The following ERMP1 variants were observed in gnomAD, a reference collection of about 807,000 sequenced individuals.
ERMP1 encodes the protein endoplasmic reticulum metallopeptidase 1.
Under a neutral mutation model 92.0 loss-of-function variants are expected in ERMP1, and 86 were observed. The ratio of observed to expected loss-of-function variants is 0.93; its 90% CI spans 0.79 to 1.12. The LOEUF (loss-of-function observed/expected upper bound fraction) is 1.12. Among genes scored for constraint, ERMP1 ranks in the 50% most tolerant of loss-of-function variants. ERMP1 has a pLI of 0.00. For synonymous variants in ERMP1, 530 were observed against 412.8 expected, an observed-to-expected ratio of 1.28 and a Z score of -3.44; for missense variants, 1,342 against 1,116.3, an observed-to-expected ratio of 1.20 and a Z score of -2.88.
Position 5,864,320 on chromosome 9 carries a change from G to A in ERMP1, n.3055+3482C>T, listed in dbSNP as rs571735513. On this transcript the variant is annotated intron_variant and non_coding_transcript_variant, in intron 5 of 6. Transcript: ENST00000690753. Reference sequence around the variant, plus strand: ...CCACTGTTTACTCAGTAAGGGAAAGGGCCAACCTGGAGAAACATCATTAAG... The same window carrying A: ...CCACTGTTTACTCAGTAAGGGAAAGAGCCAACCTGGAGAAACATCATTAAG... Among the ~76,000 whole-genome samples, 153 of 152,066 alleles carry A rather than the reference G, an allele frequency of 1.0e-3. 2 individuals are homozygous for A. Among genetic ancestry groups the A allele is most frequent in the Admixed American group, 3.2e-3 (49 of 15,264 alleles).
At chr9:5,841,884 T>A (rs1830167762) in intron 6 of ERMP1, among the ~76,000 whole-genome samples, 3 of 151,756 alleles carry the variant, frequency 2.0e-5, no homozygotes. Flanking sequence ...TTGTGGTGGG[T>A]TTGTGGTCTC....
intron 6 of ERMP1, among the ~76,000 whole-genome samples, chr9:5,847,758 G>GACA (rs1830256564): frequency 6.6e-6 from 1 of 151,400 alleles, no homozygotes; most frequent in South Asian, 2.1e-4. Context: ...AGCCGGGCGT[G>GACA]GTGGCAGGCG....
At chr9:5,819,788 A>G (rs932786735) in intron 4 of ERMP1, among the ~76,000 whole-genome samples, 12 of 152,208 alleles carry the variant, frequency 7.9e-5, no homozygotes, top group African/African-American at 2.2e-4. Flanking sequence ...CACGTGTTGT[A>G]TGATTACATT....
chr9:5,806,271 T>C (rs1040440363), intron 8 of ERMP1, among the ~76,000 whole-genome samples: 1 of 152,200 alleles, frequency 6.6e-6, no homozygotes, highest in African/African-American at 2.4e-5. Context: ...TCATGAGTTT[T>C]TTCTATCTCC....
At chr9:5,829,306 A>G (rs1388487316) in intron 2 of ERMP1, among the ~76,000 whole-genome samples, 2 of 152,032 alleles carry the variant, frequency 1.3e-5, no homozygotes, top group African/African-American at 4.8e-5. Context: ...ACGTGTGTAT[A>G]CTGATTTTTG....
chr9:5,862,034 T>C (rs1830512533), intron 5 of ERMP1, among the ~76,000 whole-genome samples: 1 of 151,994 alleles, frequency 6.6e-6, no homozygotes, highest in Non-Finnish European at 1.5e-5. Flanking sequence ...TATGTATGTA[T>C]GTATTTATTT....
At chr9:5,842,743 T>A (rs1183278651) in intron 6 of ERMP1, among the ~76,000 whole-genome samples, 3 of 152,224 alleles carry the variant, frequency 2.0e-5, no homozygotes, top group Non-Finnish European at 4.4e-5. Flanking sequence ...TGATAATAAG[T>A]GCCTTGGATT....
chr9:5,856,205 C>T, intron 6 of ERMP1: 1 of 289,916 alleles, frequency 3.4e-6, no homozygotes, highest in South Asian at 3.6e-5. Context: ...GGAGCCAGTG[C>T]TGGGCATACC....
At chr9:5,863,643 G>A (rs942788908) in intron 5 of ERMP1, among the ~76,000 whole-genome samples, 3 of 152,088 alleles carry the variant, frequency 2.0e-5, no homozygotes, top group African/African-American at 4.8e-5. Flanking sequence ...AGGATCAGAG[G>A]GAAGGTCAAA....
intron 7 of ERMP1, 56 bp downstream of exon 7, chr9:5,811,055 T>C: frequency 1.6e-6 from 2 of 1,260,838 alleles, no homozygotes; most frequent in South Asian, 1.3e-5. Context: ...ACTGAAAAAC[T>C]TCAAGCACAT....
intron 8 of ERMP1, among the ~76,000 whole-genome samples, chr9:5,809,470 C>T (rs1156537322): frequency 6.6e-6 from 1 of 152,174 alleles, no homozygotes; most frequent in Admixed American, 6.5e-5. Flanking sequence ...CAATGACATA[C>T]ATGCATGCAG....
At chr9:5,836,456 C>G (rs1830096776), upstream of ERMP1, among the ~76,000 whole-genome samples, 2 of 152,172 alleles carry the variant, frequency 1.3e-5, no homozygotes, top group East Asian at 1.9e-4. Context: ...TTGTCAAAAG[C>G]TGACAGGCAG....
At chr9:5,851,139 C>G (rs983306067) in intron 6 of ERMP1, among the ~76,000 whole-genome samples, 24 of 152,160 alleles carry the variant, frequency 1.6e-4, no homozygotes, top group African/African-American at 5.1e-4. Flanking sequence ...GCAAAGCCTC[C>G]AAGATGTTTC....
Position 5,798,809 on chromosome 9 carries a change from A to T in ERMP1, c.2267T>A (p.Ile756Asn). The change falls in exon 12 of 15, where the codon ATC (isoleucine) becomes AAC (asparagine). Residue 756 changes from isoleucine (I) to asparagine (N), a missense_variant. Ile to Asn is a moderately radical substitution (Grantham distance 149). Transcript: ENST00000339450. ...FPWYLPVHFL[I>N]RKNWYLPAPE... ...AGCAGAAAAATAATGAACCAACCTG[A>T]TCAGAAAGTGCACTGGAAGATACCA... 7 of 1,611,192 alleles carry T rather than the reference A, an allele frequency of 4.3e-6. No homozygotes were observed. In the South Asian group the frequency reaches 5.5e-5, roughly 13 times the overall value.
chr9:5,809,753 G>C (rs1180820553), intron 8 of ERMP1, among the ~76,000 whole-genome samples: 3 of 152,226 alleles, frequency 2.0e-5, no homozygotes, highest in African/African-American at 7.2e-5. Context: ...TCAGTAGAAG[G>C]CTGTGCTAAC....
intron 4 of ERMP1, among the ~76,000 whole-genome samples, chr9:5,817,590 T>C (rs1044258714): frequency 4.6e-5 from 7 of 152,262 alleles, no homozygotes; most frequent in South Asian, 2.1e-4. Flanking sequence ...ACATTTTCAA[T>C]TGACATTCTT....
rs1305946956 is a variant in ERMP1 at position 5,799,026 on chromosome 9, G to C, written c.2068-18C>G. 1.9e-6 allele frequency: 3 copies of C among 1,599,348 alleles called. No individual in the cohort carries two copies. The highest frequency in any genetic ancestry group is 1.1e-5 in the South Asian group (1 of 90,590). The stretch of plus-strand genomic sequence containing the variant: ...GTCATATGCTGAAAAAAAAAGACTA[G>C]TGAAAAAACTGTTTCAACTAGTACA... On this transcript the variant is annotated intron_variant, in intron 11 of 14. Coordinates refer to ENST00000339450, the MANE Select transcript of ERMP1 (RefSeq NM_024896.3).
chr9:5,812,866 G>C (rs764169992), intron 5 of ERMP1, 23 bp downstream of exon 5: 2 of 1,613,488 alleles, frequency 1.2e-6, no homozygotes, highest in East Asian at 2.2e-5. Flanking sequence ...CTGCACAGTA[G>C]GCCGTAACCA....
intron 8 of ERMP1, among the ~76,000 whole-genome samples, chr9:5,808,278 C>CTTCTGCCCCAATCAACAATTTACTACTT (rs1254962598): frequency 1.3e-5 from 2 of 152,258 alleles, no homozygotes; most frequent in Non-Finnish European, 2.9e-5. Context: ...AATTTTATTA[C>CTTCTGCCCCAATCAACAATTTACTACTT]ACATTTCTAT....
Sources: allele counts gnomAD v4.1 joint callset (sites outside exome capture counted in the v4.1 genomes callset), GRCh38; gene constraint gnomAD v4.1.1; transcripts MANE v1.5; gene names NCBI Gene and HGNC (gene_info 2026-07-23, HGNC 2026-07-21).